Variants in NUDT16L1 observed in about 807,000 individuals in gnomAD.
NUDT16L1 encodes the protein nudix hydrolase 16 like 1.
Under a neutral mutation model 17.3 loss-of-function variants are expected in NUDT16L1, and 19 were observed. The observed-to-expected ratio is 1.10, with a 90% CI of 0.77 to 1.61. The LOEUF is 1.61. Among genes scored for constraint, NUDT16L1 ranks in the 40% most tolerant of loss-of-function variants. NUDT16L1 has a pLI of 0.00. For missense variants in NUDT16L1, 341 were observed against 292.0 expected (o/e 1.17, Z -1.22); for synonymous variants, 255 against 138.6 (o/e 1.84, Z -5.90).
chr16:4,693,962 C>T lies in NUDT16L1; in HGVS notation c.154-16C>T. On this transcript the variant is annotated splice_polypyrimidine_tract_variant and intron_variant, in intron 1 of 2. Coordinates refer to ENST00000304301, the Ensembl canonical transcript of NUDT16L1. The stretch of plus-strand genomic sequence containing the variant: ...CGTCCGTCGACCCCGCGGCTGTGAC[C>T]CGCGCTCCCTTGCAGATGCAGATGC... The T allele has an allele frequency of 6.5e-7, 1 of 1,546,318 alleles. No individual in the cohort carries two copies. The highest frequency in any genetic ancestry group is 1.7e-4 in the Middle Eastern group (1 of 5,860).
chr16:4,694,060 A>G (rs2079480983), exon 2 of NUDT16L1: 1 of 1,588,054 alleles, frequency 6.3e-7, no homozygotes, highest in African/African-American at 1.4e-5. Flanking sequence ...GACGGCCTGA[A>G]CCGGGTGCTG....
chr16:4,693,954 G>A (rs1420622064), intron 1 of NUDT16L1, 24 bp from the exon 2 acceptor site: 2 of 1,536,264 alleles, frequency 1.3e-6, no homozygotes, highest in Admixed American at 2.1e-5. Flanking sequence ...CGACCCCGCG[G>A]CTGTGACCCG....
At chr16:4,695,575 G>A (rs1367393767) in exon 3 of NUDT16L1, 11 of 450,724 alleles carry the variant, frequency 2.4e-5, no homozygotes, top group African/African-American at 8.0e-5. Context: ...GCCTTGTCTC[G>A]GTCAGCTCAT....
Position 4,693,898 on chromosome 16 carries a change from G to T in NUDT16L1, c.153+19G>T. 2 of 1,481,990 alleles carry T rather than the reference G, an allele frequency of 1.3e-6. No homozygotes were observed. Among genetic ancestry groups the T allele is most frequent in the Non-Finnish European group, 1.8e-6 (2 of 1,125,178 alleles). The allele number at this position is 1,481,990 out of a possible 1,614,324, so 91.8% of individuals were successfully genotyped here. On this transcript the variant is annotated intron_variant, in intron 1 of 2. Transcript: ENST00000304301. ...GGTGCTGGTGAGGACGGGCGAGGGCGCGGGCGAGGGTGCCGGCGCGGGCGG... is the reference window on the plus strand; with the variant it reads ...GGTGCTGGTGAGGACGGGCGAGGGCTCGGGCGAGGGTGCCGGCGCGGGCGG...
intron 2 of NUDT16L1, 44 bp from the exon 3 acceptor site, chr16:4,694,914 T>C: frequency 6.4e-7 from 1 of 1,564,982 alleles, no homozygotes; most frequent in Non-Finnish European, 8.6e-7. Context: ...GAGGTGCCAT[T>C]GTGTGGCAGG....
rs995538984 is a variant in NUDT16L1 at position 4,694,576 on chromosome 16, G to A, written c.414+338G>A. ...GGGAGTTGGGAAACTTGAGCACAGC[G>A]GGGGTTGTAAAACTTGGGAACCTCA... On this transcript the variant is annotated intron_variant, in intron 2 of 2. Coordinates refer to ENST00000304301, the Ensembl canonical transcript of NUDT16L1. 12 of 1,444,324 alleles carry A rather than the reference G, an allele frequency of 8.3e-6. No individual in the cohort carries two copies. The African/African-American group carries it at 1.3e-4, about 16-fold the overall frequency. 89.5% of individuals were successfully genotyped at this position (1,444,324 alleles called of 1,614,324 possible). A position where few individuals can be genotyped will look rare whatever the true frequency, so the allele number is the denominator to read the frequency against.
At chr16:4,695,261 T>C in exon 3 of NUDT16L1, 1 of 1,402,286 alleles carries the variant, frequency 7.1e-7, no homozygotes, top group African/African-American at 1.4e-5. Flanking sequence ...AGTGTTTGTG[T>C]GTACCCCGCT....
chr16:4,694,579 G>A (rs1198257241), intron 2 of NUDT16L1: 2 of 1,443,566 alleles, frequency 1.4e-6, no homozygotes, highest in East Asian at 2.5e-5. Flanking sequence ...GCACAGCGGG[G>A]GTTGTAAAAC....
At chr16:4,695,015 C>T in exon 3 of NUDT16L1, 1 of 1,613,048 alleles carries the variant, frequency 6.2e-7, no homozygotes, top group Non-Finnish European at 8.5e-7. Flanking sequence ...CGGAGGCTTC[C>T]CCAACTTCCT....
exon 2 of NUDT16L1, chr16:4,694,059 A>C (rs1337223277): frequency 1.3e-6 from 2 of 1,587,624 alleles, no homozygotes; most frequent in African/African-American, 2.8e-5. Flanking sequence ...GGACGGCCTG[A>C]ACCGGGTGCT....
chr16:4,693,593 G>A (rs558506200), upstream of NUDT16L1: 47 of 1,091,864 alleles, frequency 4.3e-5, no homozygotes, highest in Non-Finnish European at 5.2e-5. Context: ...GAGGGGCTCG[G>A]TCCCGGGGCG....
At chr16:4,694,582 T>C in intron 2 of NUDT16L1, 1 of 1,440,520 alleles carries the variant, frequency 6.9e-7, no homozygotes, top group East Asian at 2.5e-5. Flanking sequence ...CAGCGGGGGT[T>C]GTAAAACTTG....
intron 2 of NUDT16L1, 42 bp downstream of exon 2, chr16:4,694,280 G>A: frequency 1.4e-6 from 2 of 1,467,418 alleles, no homozygotes; most frequent in Non-Finnish European, 1.8e-6. Context: ...CCCGGGGTTT[G>A]GCTCTGGCCC....
intron 2 of NUDT16L1, chr16:4,694,735 G>T (rs551717181): frequency 3.1e-4 from 437 of 1,426,934 alleles, no homozygotes; most frequent in Middle Eastern, 5.0e-4. Flanking sequence ...GGGTACGAGG[G>T]GGGGGAGTGC....
At chr16:4,694,344 G>A in intron 2 of NUDT16L1, 106 bp downstream of exon 2, 1 of 1,487,524 alleles carries the variant, frequency 6.7e-7, no homozygotes, top group Non-Finnish European at 8.9e-7. Flanking sequence ...GGCCGGGCTG[G>A]GTCGGGTGTC....
exon 3 of NUDT16L1, chr16:4,694,971 T>C (rs1161607357): frequency 6.2e-7 from 1 of 1,609,910 alleles, no homozygotes; most frequent in Admixed American, 1.7e-5. Flanking sequence ...CTGGGCCTCG[T>C]GCGGGTCCCG....
chr16:4,693,627 G>A (rs2079473488), upstream of NUDT16L1: 4 of 1,276,318 alleles, frequency 3.1e-6, no homozygotes, highest in African/African-American at 3.1e-5. Context: ...CGGGGGAACC[G>A]GACCCGGGGG....
exon 3 of NUDT16L1, chr16:4,695,251 A>G (rs1403487780): frequency 2.0e-6 from 3 of 1,500,448 alleles, no homozygotes; most frequent in African/African-American, 2.8e-5. Flanking sequence ...TGGCTTCTAG[A>G]GTGTTTGTGT....
exon 3 of NUDT16L1, chr16:4,695,014 C>T: frequency 1.2e-6 from 2 of 1,612,970 alleles, no homozygotes; most frequent in Non-Finnish European, 1.7e-6. Flanking sequence ...TCGGAGGCTT[C>T]CCCAACTTCC....
Sources: allele counts gnomAD v4.1 joint callset, GRCh38; gene constraint gnomAD v4.1.1; transcripts MANE v1.5; gene names NCBI Gene and HGNC (gene_info 2026-07-23, HGNC 2026-07-21).